EPHA6: variants seen among roughly 807,000 people sequenced by gnomAD.
The protein encoded by EPHA6 is ephrin type-A receptor 6.
In EPHA6, 50 loss-of-function variants were observed where a neutral mutation model predicts 112.0. The ratio of observed to expected loss-of-function variants is 0.45; its 90% CI spans 0.36 to 0.56. The LOEUF (loss-of-function observed/expected upper bound fraction) is 0.56. Ranked by LOEUF, EPHA6 falls within the 20% of genes least tolerant of loss-of-function variation. The pLI is 0.00. For missense variants in EPHA6, 1,280 were observed against 1,417.4 expected (o/e 0.90, Z 1.56); for synonymous variants, 529 against 490.7 (o/e 1.08, Z -1.03).
chr3:97,539,217 G>A (rs999489667), intron 11 of EPHA6, among the ~76,000 whole-genome samples: 1 of 149,702 alleles, frequency 6.7e-6, no homozygotes, highest in African/African-American at 2.5e-5. Flanking sequence ...GCAAGATCTG[G>A]GCTCACTGCA....
intron 3 of EPHA6, among the ~76,000 whole-genome samples, chr3:97,225,855 T>C (rs1295146737): frequency 1.3e-5 from 2 of 152,182 alleles, no homozygotes; most frequent in African/African-American, 4.8e-5. Flanking sequence ...GAAGGGAAAA[T>C]AGAATGTAAA....
intron 5 of EPHA6, among the ~76,000 whole-genome samples, chr3:97,268,472 A>T (rs953572304): frequency 2.0e-5 from 3 of 152,216 alleles, no homozygotes; most frequent in Non-Finnish European, 4.4e-5. Context: ...ATCAGTATGA[A>T]TATTTAAGTG....
intron 5 of EPHA6, among the ~76,000 whole-genome samples, chr3:97,276,334 G>A (rs1169120355): frequency 6.6e-6 from 1 of 152,074 alleles, no homozygotes; most frequent in Non-Finnish European, 1.5e-5. Flanking sequence ...TGCCAGGTGA[G>A]TTGAACAGTC....
In EPHA6 at chr3:96,994,683, G is replaced by GTGTGTGTGTA. The variant is rs1463389649; in HGVS notation, c.1114+6700_1114+6709dup. Among the ~76,000 whole-genome samples the GTGTGTGTGTA allele has an allele frequency of 4.2e-5, 6 of 143,272 alleles. No individual in the cohort carries two copies. The Admixed American group carries it at 4.3e-4, about 10-fold the overall frequency. The allele number at this position is 143,272 out of a possible 152,430, so 94.0% of individuals were successfully genotyped here. A position where few individuals can be genotyped will look rare whatever the true frequency, so the allele number is the denominator to read the frequency against. ...TTAAAATTTTAGACCTGCTGAGAAT[G>GTGTGTGTGTA]TGTGTGTGTATGTGTGTGTGTGTGT... On this transcript the variant is annotated intron_variant, in intron 3 of 17. Coordinates refer to ENST00000389672, the MANE Select transcript of EPHA6 (RefSeq NM_001080448.3).
At chr3:97,203,842 T>C (rs905369699) in intron 3 of EPHA6, among the ~76,000 whole-genome samples, 3 of 152,168 alleles carry the variant, frequency 2.0e-5, no homozygotes, top group African/African-American at 7.2e-5. Context: ...ACCCCATTAG[T>C]CTTTTGCTTT....
chr3:97,072,027 G>T (rs2046375041), intron 3 of EPHA6, among the ~76,000 whole-genome samples: 1 of 151,946 alleles, frequency 6.6e-6, no homozygotes, highest in African/African-American at 2.4e-5. Flanking sequence ...ATTTGATTCA[G>T]CAGTTCCACT....
chr3:97,074,040 A>G (rs1246231854), intron 3 of EPHA6, among the ~76,000 whole-genome samples: 3 of 150,752 alleles, frequency 2.0e-5, no homozygotes, highest in Non-Finnish European at 1.5e-5. Flanking sequence ...TGCTATTTCT[A>G]TGCAAATTGA....
chr3:97,154,280 A>C (rs369782662), intron 3 of EPHA6, among the ~76,000 whole-genome samples: 1 of 151,962 alleles, frequency 6.6e-6, no homozygotes, highest in Non-Finnish European at 1.5e-5. Context: ...ATAATTAATG[A>C]ATTTTTATTT....
intron 3 of EPHA6, among the ~76,000 whole-genome samples, chr3:97,134,188 A>G (rs1354703830): frequency 6.6e-6 from 1 of 152,088 alleles, no homozygotes; most frequent in African/African-American, 2.4e-5. Context: ...CCCACTTAAT[A>G]AAATATCAAC....
intron 2 of EPHA6, among the ~76,000 whole-genome samples, chr3:96,968,388 G>GCACACA (rs148279577): frequency 1.7e-4 from 25 of 143,608 alleles, no homozygotes; most frequent in East Asian, 8.2e-4. Context: ...AATGGTAAAA[G>GCACACA]CACACACACA....
At chr3:97,462,644 G>A (rs1374199152) in intron 7 of EPHA6, among the ~76,000 whole-genome samples, 1 of 152,068 alleles carries the variant, frequency 6.6e-6, no homozygotes, top group East Asian at 1.9e-4. Context: ...ATAGGTATTA[G>A]GTATGTTATC....
chr3:97,023,222 G>T (rs1026332790), intron 3 of EPHA6, among the ~76,000 whole-genome samples: 3 of 152,012 alleles, frequency 2.0e-5, no homozygotes, highest in Non-Finnish European at 4.4e-5. Flanking sequence ...GGGACTACAG[G>T]CACATGCCAC....
chr3:97,187,669 A>AAG (rs1559784306), intron 3 of EPHA6, among the ~76,000 whole-genome samples: 1 of 141,144 alleles, frequency 7.1e-6, no homozygotes, highest in African/African-American at 2.7e-5. Context: ...AAAGGAAAGA[A>AAG]AGAAAGAGAA....
At chr3:97,195,499 T>A (rs2077415865) in intron 3 of EPHA6, among the ~76,000 whole-genome samples, 2 of 152,096 alleles carry the variant, frequency 1.3e-5, no homozygotes, top group Non-Finnish European at 2.9e-5. Context: ...TTTTAGTCTT[T>A]CTAGTCAAGA....
chr3:97,319,241 G>T (rs1188710204), intron 5 of EPHA6, among the ~76,000 whole-genome samples: 2 of 150,608 alleles, frequency 1.3e-5, no homozygotes, highest in East Asian at 1.9e-4. Flanking sequence ...TTAGTTCAAT[G>T]GTAATTTTAA....
At chr3:97,614,501 ATTTTTTTT>A (rs35126699) in intron 13 of EPHA6, among the ~76,000 whole-genome samples, 8 of 98,266 alleles carry the variant, frequency 8.1e-5, no homozygotes, top group African/African-American at 2.0e-4. Flanking sequence ...CACCCAGCTA[ATTTTTTTT>A]TTTTTTTTTT....
rs1210439971 is a variant in EPHA6, at chr3:97,164,389, T to G, written c.1115-61875T>G. ...TTCAGGCATTAGTAAATGGTTAAAA[T>G]AATAGTATCTCTTACATATCTCATT... On this transcript the variant is annotated intron_variant, in intron 3 of 17. Transcript: ENST00000389672. 4.0e-4 allele frequency among the ~76,000 whole-genome samples: 61 copies of G among 152,164 alleles called. 2 individuals carry two copies. Among genetic ancestry groups the G allele is most frequent in the Admixed American group, 4.0e-3 (61 of 15,270 alleles).
chr3:97,249,788 A>T (rs1313575924), intron 5 of EPHA6, among the ~76,000 whole-genome samples: 1 of 152,210 alleles, frequency 6.6e-6, no homozygotes, highest in Non-Finnish European at 1.5e-5. Context: ...TAGAGATTGA[A>T]GATGGTGTGA....
intron 2 of EPHA6, among the ~76,000 whole-genome samples, chr3:96,879,705 G>A (rs923676494): frequency 1.6e-4 from 25 of 152,108 alleles, no homozygotes; most frequent in Middle Eastern, 3.4e-3. Flanking sequence ...AGTTCTTCTC[G>A]TAGAGGTCTT....
Sources: allele counts gnomAD v4.1 joint callset (sites outside exome capture counted in the v4.1 genomes callset), GRCh38; gene constraint gnomAD v4.1.1; transcripts MANE v1.5; gene names NCBI Gene and HGNC (gene_info 2026-07-23, HGNC 2026-07-21).